The following NFYC variants were observed in gnomAD, a reference collection of about 807,000 sequenced individuals.
NFYC encodes CAAT box DNA-binding protein subunit C.
Under a neutral mutation model 53.1 loss-of-function variants are expected in NFYC, and 25 were observed. The ratio of observed to expected loss-of-function variants is 0.47; its 90% CI spans 0.34 to 0.66. The LOEUF is 0.66. NFYC is among the 30% of genes least tolerant of loss of function. The pLI is 0.01. For missense variants in NFYC, 260 were observed against 422.7 expected (o/e 0.62, Z 3.38); for synonymous variants, 145 against 152.6 (o/e 0.95, Z 0.37).
intron 1 of NFYC, among the ~76,000 whole-genome samples, chr1:40,703,480 T>TAAAAAAAAAAAAAAAAA (rs57102599): frequency 1.1e-4 from 11 of 97,728 alleles, no homozygotes; most frequent in East Asian, 2.6e-4. Flanking sequence ...CAATTAGCCC[T>TAAAAAAAAAAAAAAAAA]AAAAAAAAAA....
rs536237277 is a variant in NFYC, at chr1:40,699,145, C to T, written c.-9+7278C>T. Among the ~76,000 whole-genome samples, 71 of 151,728 alleles carry T rather than the reference C, an allele frequency of 4.7e-4. 3 individuals carry two copies. The South Asian group carries it at 0.014, about 30-fold the overall frequency. On this transcript the variant is annotated intron_variant, in intron 1 of 9. Coordinates refer to ENST00000447388, the MANE Select transcript of NFYC (RefSeq NM_014223.5). Reference sequence around the variant, plus strand: ...CGCCTCTATTGCACTCCAGCCTTGACGACAGGGTGAGACTGTCTCCAAAAA... The same window carrying T: ...CGCCTCTATTGCACTCCAGCCTTGATGACAGGGTGAGACTGTCTCCAAAAA...
Position 40,724,182 on chromosome 1 carries a change from C to G in NFYC, c.-8-14654C>G, listed in dbSNP as rs191313992. ...GTCAGGAGTTCAAGACCAACCTGGT[C>G]AACATGGTGAAACCCGTCTCTTCAA... On this transcript the variant is annotated intron_variant, in intron 1 of 9. Coordinates refer to ENST00000447388, the MANE Select transcript of NFYC (RefSeq NM_014223.5). Among the ~76,000 whole-genome samples, 276 of 152,248 alleles carry G rather than the reference C, an allele frequency of 1.8e-3. 1 individual carries two copies. The highest frequency in any genetic ancestry group is 6.5e-3 in the African/African-American group (270 of 41,530).
At chr1:40,746,830 A>G (rs189341816) in intron 2 of NFYC, among the ~76,000 whole-genome samples, 2 of 152,318 alleles carry the variant, frequency 1.3e-5, no homozygotes, top group East Asian at 1.9e-4. Context: ...GTGAAGTTAT[A>G]TGGTCCTCCC....
intron 1 of NFYC, among the ~76,000 whole-genome samples, chr1:40,708,849 A>G (rs955010220): frequency 2.6e-5 from 4 of 152,172 alleles, no homozygotes; most frequent in African/African-American, 9.7e-5. Context: ...GATGGTCACA[A>G]CTTTCCGACC....
chr1:40,714,869 A>G (rs1319129542), intron 1 of NFYC, among the ~76,000 whole-genome samples: 1 of 151,660 alleles, frequency 6.6e-6, no homozygotes, highest in African/African-American at 2.4e-5. Context: ...TCACGAGGTC[A>G]GGAGATCAAG....
Position 40,770,282 on chromosome 1 carries a change from A to G in NFYC, c.889-427A>G, listed in dbSNP as rs1647022782. On this transcript the variant is annotated intron_variant, in intron 9 of 9. Transcript: ENST00000447388. This position sits in a 1 kb window ranked among gnomAD's most constrained non-coding sequence, Gnocchi z 5.3. ...CCTGAGCCAGATATTCTGAGAAAAG[A>G]AGGAGAGGAGGGGGTAATCCTACTG... The G allele has an allele frequency of 1.0e-6, 1 of 984,996 alleles. No individual in the cohort carries two copies. The allele number at this position is 984,996 out of a possible 1,614,324, so 61.0% of individuals were successfully genotyped here. A position where few individuals can be genotyped will look rare whatever the true frequency, so the allele number is the denominator to read the frequency against.
In NFYC at chr1:40,770,511, C is replaced by G. The variant is rs746655256; in HGVS notation, c.889-198C>G. ...CACCTCTTCCCTGCCCACCACACAC[C>G]CCCCCTCACACCGGGCTGGTGCCTC... On this transcript the variant is annotated intron_variant, in intron 9 of 9. Coordinates refer to ENST00000447388, the MANE Select transcript of NFYC (RefSeq NM_014223.5). The surrounding 1 kb of genome is among the most constrained non-coding windows in gnomAD (Gnocchi z 5.3). 1.3e-6 allele frequency: 2 copies of G among 1,555,572 alleles called. No individual in the cohort carries two copies. Among genetic ancestry groups the G allele is most frequent in the South Asian group, 2.4e-5 (2 of 84,676 alleles).
intron 1 of NFYC, among the ~76,000 whole-genome samples, chr1:40,696,700 C>T (rs1643165662): frequency 6.6e-6 from 1 of 152,204 alleles, no homozygotes; most frequent in African/African-American, 2.4e-5. Context: ...TCACAAATGA[C>T]CTTCTTAAGG....
In NFYC at chr1:40,749,560, G is replaced by A. The variant is rs761771941; in HGVS notation, c.178-13G>A. 6.8e-6 allele frequency: 11 copies of A among 1,606,414 alleles called. No homozygotes were observed. In the South Asian group the frequency reaches 1.2e-4, roughly 18 times the overall value. Reference sequence around the variant, plus strand: ...TGCTGGTGATTGACAGGGAGGGCCTGTGTCTGTTACAGATGATCAGTGCAG... The same window carrying A: ...TGCTGGTGATTGACAGGGAGGGCCTATGTCTGTTACAGATGATCAGTGCAG... On this transcript the variant is annotated splice_polypyrimidine_tract_variant and intron_variant, in intron 3 of 9. Coordinates refer to ENST00000447388, the MANE Select transcript of NFYC (RefSeq NM_014223.5).
At position 40,771,601 on chromosome 1, in the gene NFYC, TA is replaced by T. The variant is rs1277356331; in HGVS notation, c.*775del. The T allele has an allele frequency of 3.0e-6, 1 of 335,246 alleles. No homozygotes were observed. Among genetic ancestry groups the T allele is most frequent in the East Asian group, 9.8e-5 (1 of 10,240 alleles). The allele number at this position is 335,246 out of a possible 1,614,324, so 20.8% of individuals were successfully genotyped here. A position where few individuals can be genotyped will look rare whatever the true frequency, so the allele number is the denominator to read the frequency against. On this transcript the variant is annotated 3_prime_UTR_variant, in exon 10 of 10. Coordinates refer to ENST00000447388, the MANE Select transcript of NFYC (RefSeq NM_014223.5). ...GAAATGCAATAAATCTCATTTTAGA[TA>T]ATTTAGAGTCTGGGTTTCTGTGTCT...
chr1:40,696,615 T>C (rs977487759), intron 1 of NFYC, among the ~76,000 whole-genome samples: 1 of 152,186 alleles, frequency 6.6e-6, no homozygotes, highest in African/African-American at 2.4e-5. Flanking sequence ...CGCATTGACT[T>C]GATGGCAGAG....
At position 40,719,183 on chromosome 1, in the gene NFYC, A is replaced by G. The variant is rs1016336668; in HGVS notation, c.-8-19653A>G. The stretch of plus-strand genomic sequence containing the variant: ...GGCGCCTGGCCCATGGTGTTCTTAA[A>G]TAATCCGTTGCTTTAAATTTCCTAG... On this transcript the variant is annotated intron_variant, in intron 1 of 9. Transcript: ENST00000447388. Among the ~76,000 whole-genome samples, 5 of 152,310 alleles carry G rather than the reference A, an allele frequency of 3.3e-5. 1 individual carries two copies. Among genetic ancestry groups the G allele is most frequent in the African/African-American group, 1.2e-4 (5 of 41,570 alleles).
At chr1:40,709,769 T>C (rs1346896733) in intron 1 of NFYC, among the ~76,000 whole-genome samples, 1 of 152,230 alleles carries the variant, frequency 6.6e-6, no homozygotes, top group Non-Finnish European at 1.5e-5. Context: ...AGATTTTGCA[T>C]GTCCTTCAAC....
chr1:40,727,378 C>G (rs1570461438), intron 1 of NFYC, among the ~76,000 whole-genome samples: 1 of 151,776 alleles, frequency 6.6e-6, no homozygotes, highest in African/African-American at 2.4e-5. Context: ...CATGTGCCAC[C>G]ACAACCAGCT....
chr1:40,739,093 A>G (rs1036277986), intron 2 of NFYC, 145 bp downstream of exon 2: 6 of 629,684 alleles, frequency 9.5e-6, no homozygotes, highest in Non-Finnish European at 1.7e-5. Flanking sequence ...GGGTAGGAAA[A>G]TGAAAACATA....
intron 1 of NFYC, among the ~76,000 whole-genome samples, chr1:40,706,675 A>G (rs908175743): frequency 1.3e-5 from 2 of 152,218 alleles, no homozygotes; most frequent in Non-Finnish European, 2.9e-5. Flanking sequence ...TAATGAAAAG[A>G]AAAGAAAAAC....
At chr1:40,704,621 G>C (rs1385521034) in intron 1 of NFYC, among the ~76,000 whole-genome samples, 2 of 152,174 alleles carry the variant, frequency 1.3e-5, no homozygotes, top group Non-Finnish European at 2.9e-5. Flanking sequence ...ATGAGAAGTA[G>C]GACTTGAGGT....
At chr1:40,726,370 A>T (rs1473379168) in intron 1 of NFYC, among the ~76,000 whole-genome samples, 1 of 151,258 alleles carries the variant, frequency 6.6e-6, no homozygotes, top group Non-Finnish European at 1.5e-5. Context: ...CACCCACCTC[A>T]GTCTCCCAAA....
intron 2 of NFYC, among the ~76,000 whole-genome samples, chr1:40,741,537 T>G (rs1464223701): frequency 1.3e-5 from 2 of 152,200 alleles, no homozygotes; most frequent in Non-Finnish European, 2.9e-5. Flanking sequence ...TTGTCTTATC[T>G]TATTTCACTT....
Sources: allele counts gnomAD v4.1 joint callset (sites outside exome capture counted in the v4.1 genomes callset), GRCh38; gene constraint gnomAD v4.1.1; non-coding constraint Gnocchi (gnomAD v3.1); transcripts MANE v1.5; gene names NCBI Gene and HGNC (gene_info 2026-07-23, HGNC 2026-07-21).